Variants in HINT3 observed in about 807,000 individuals in gnomAD.
The protein encoded by HINT3 is adenosine 5'-monophosphoramidase HINT3.
HINT3 carries 16 observed loss-of-function variants against 19.1 expected under a neutral mutation model. The observed-to-expected ratio is 0.84, with a 90% CI of 0.57 to 1.27. HINT3 has a LOEUF of 1.27. Ranked by LOEUF, HINT3 falls within the 50% of genes most tolerant of loss-of-function variation. The pLI, the probability that HINT3 is intolerant of heterozygous loss-of-function variation, is 0.00. For synonymous variants in HINT3, 75 were observed against 84.8 expected, an observed-to-expected ratio of 0.88 and a Z score of 0.63; for missense variants, 197 against 225.8, an observed-to-expected ratio of 0.87 and a Z score of 0.82.
At chr6:125,960,044 AAGC>A (rs1788894674) in intron 1 of HINT3, among the ~76,000 whole-genome samples, 1 of 152,262 alleles carries the variant, frequency 6.6e-6, no homozygotes. Flanking sequence ...AATCTGCACT[AAGC>A]AGGTGACATT....
At chr6:125,967,767 C>A (rs915096278) in intron 2 of HINT3, among the ~76,000 whole-genome samples, 4 of 152,084 alleles carry the variant, frequency 2.6e-5, no homozygotes, top group Non-Finnish European at 4.4e-5. Context: ...TGGTACCTGC[C>A]TTATAGTATC....
intron 2 of HINT3, among the ~76,000 whole-genome samples, chr6:125,971,702 CTTTTT>C (rs142105115): frequency 1.3e-4 from 8 of 59,616 alleles, no homozygotes; most frequent in Non-Finnish European, 2.3e-4. Flanking sequence ...GCCTGGCTAC[CTTTTT>C]TTTTTTTTTT....
Position 125,957,031 on chromosome 6 carries a change from C to T in HINT3, c.54C>T (p.Ala18=), listed in dbSNP as rs1379749398. ...CCGGCCTGGCCCCCGACTGTGAGGCCTCGGCGACTGCAGAAACTACGGTTT... is the reference window on the plus strand; with the variant it reads ...CCGGCCTGGCCCCCGACTGTGAGGCTTCGGCGACTGCAGAAACTACGGTTT... ...RSAGLAPDCE[A]SATAETTVSS... Residue 18 remains alanine, a synonymous_variant, in exon 1 of 5, where the codon GCC becomes GCT. Coordinates refer to ENST00000229633, the MANE Select transcript of HINT3 (RefSeq NM_138571.5). The T allele has an allele frequency of 6.4e-7, 1 of 1,550,742 alleles. No homozygotes were observed. The highest frequency in any genetic ancestry group is 2.0e-5 in the Admixed American group (1 of 51,010).
chr6:125,967,326 CTTTT>C (rs537273461), intron 2 of HINT3, among the ~76,000 whole-genome samples: 1,552 of 95,170 alleles, frequency 0.016, 19 homozygotes, highest in African/African-American at 0.062. Flanking sequence ...ATTTTTATGA[CTTTT>C]TTTTTTTTTT....
At chr6:125,964,323 T>C (rs571995210) in intron 1 of HINT3, among the ~76,000 whole-genome samples, 1 of 152,304 alleles carries the variant, frequency 6.6e-6, no homozygotes, top group East Asian at 1.9e-4. Flanking sequence ...TTTACATGTT[T>C]TCAGAGTCAA....
At chr6:125,970,962 A>C (rs1249700778) in intron 2 of HINT3, among the ~76,000 whole-genome samples, 1 of 152,212 alleles carries the variant, frequency 6.6e-6, no homozygotes, top group Non-Finnish European at 1.5e-5. Flanking sequence ...CTCAAACCTG[A>C]CTTAAAGAAG....
rs1562212340 is a variant in HINT3 at position 125,962,285 on chromosome 6, TACACATATATATATATATATATCACAC to T, written c.202-4600_202-4574del. ...ATATATATATACATACATATATATATACACATATATATATATATATATCACACATATATATATATATATATCACACAC... is the reference window on the plus strand; with the variant it reads ...ATATATATATACATACATATATATATATATATATATATATATATCACACAC... On this transcript the variant is annotated intron_variant, in intron 1 of 4. Coordinates refer to ENST00000229633, the MANE Select transcript of HINT3 (RefSeq NM_138571.5). 1.7e-3 allele frequency among the ~76,000 whole-genome samples: 50 copies of T among 28,856 alleles called. 3 individuals carry two copies. Among genetic ancestry groups the T allele is most frequent in the African/African-American group, 9.8e-3 (48 of 4,882 alleles). 18.9% of individuals were successfully genotyped at this position (28,856 alleles called of 152,430 possible). A position where few individuals can be genotyped will look rare whatever the true frequency, so the allele number is the denominator to read the frequency against.
Position 125,980,116 on chromosome 6 carries a change from C to T in HINT3, c.*2440C>T, listed in dbSNP as rs1195125457. On this transcript the variant is annotated 3_prime_UTR_variant, in exon 5 of 5. Transcript: ENST00000229633. The stretch of plus-strand genomic sequence containing the variant: ...AAAACAAGGCTAATTCATAACCTGT[C>T]TTAAAAATGTTTGAAGTGGTATCAA... 6.6e-6 allele frequency: 1 copy of T among 152,108 alleles called. No individual in the cohort carries two copies. The highest frequency in any genetic ancestry group is 1.5e-5 in the Non-Finnish European group (1 of 68,022). The allele number at this position is 152,108 out of a possible 1,614,324, so 9.4% of individuals were successfully genotyped here.
chr6:125,970,187 A>G (rs1236655647), intron 2 of HINT3, among the ~76,000 whole-genome samples: 2 of 152,266 alleles, frequency 1.3e-5, no homozygotes, highest in African/African-American at 4.8e-5. Context: ...CAATTTTTAA[A>G]CTGTCGATTC....
At chr6:125,975,581 G>GTTTTTTT (rs149094456) in intron 4 of HINT3, among the ~76,000 whole-genome samples, 4 of 143,616 alleles carry the variant, frequency 2.8e-5, no homozygotes, top group Admixed American at 7.0e-5. Flanking sequence ...TGGCTGAAGA[G>GTTTTTTT]TTGTTTTTTT....
At chr6:125,976,562 T>G (rs1789181784) in intron 4 of HINT3, among the ~76,000 whole-genome samples, 3 of 151,288 alleles carry the variant, frequency 2.0e-5, no homozygotes, top group Admixed American at 6.6e-5. Flanking sequence ...AAAATGCTTT[T>G]TTTTTATATT....
intron 2 of HINT3, among the ~76,000 whole-genome samples, chr6:125,971,563 C>T (rs1789101176): frequency 6.6e-6 from 1 of 152,072 alleles, no homozygotes; most frequent in Non-Finnish European, 1.5e-5. Context: ...GAGAGAGGGT[C>T]TCACTCTGTT....
rs1789159278 is a variant in HINT3, at chr6:125,974,901, T to C, written c.444T>C (p.Val148=). Residue 148 remains valine (V), a synonymous_variant, in exon 4 of 5, where the codon GTT becomes GTC. Transcript: ENST00000229633. ...CCATTTCCCACTTGCACCTTCATGT[T>C]CTGGCACCAGTGGATCAGCTTGGCT... The part of the protein sequence containing the change: ...FCSISHLHLH[V]LAPVDQLGFL... 6.2e-7 allele frequency: 1 copy of C among 1,613,958 alleles called. No homozygotes were observed. The highest frequency in any genetic ancestry group is 1.3e-5 in the African/African-American group (1 of 74,934).
chr6:125,960,874 A>C (rs2128710513), intron 1 of HINT3, among the ~76,000 whole-genome samples: 1 of 152,316 alleles, frequency 6.6e-6, no homozygotes, highest in East Asian at 1.9e-4. Context: ...ACTAAATATA[A>C]AAGTAGGCTA....
At chr6:125,976,749 T>C (rs1274445101) in intron 4 of HINT3, among the ~76,000 whole-genome samples, 1 of 151,176 alleles carries the variant, frequency 6.6e-6, no homozygotes, top group Non-Finnish European at 1.5e-5. Context: ...AATCTGACTT[T>C]GTTAGCGTAT....
At chr6:125,968,966 T>C (rs1277533256) in intron 2 of HINT3, among the ~76,000 whole-genome samples, 1 of 152,216 alleles carries the variant, frequency 6.6e-6, no homozygotes, top group Non-Finnish European at 1.5e-5. Flanking sequence ...AGGTTATCCA[T>C]TTACTCTGTT....
At position 125,977,883 on chromosome 6, in the gene HINT3, A is replaced by G. The variant is rs1177668534; in HGVS notation, c.*207A>G. ...TTGTTACTGACTTGTTTCAATGGTT[A>G]CTTGTATAAGGATTTTATATATATG... On this transcript the variant is annotated 3_prime_UTR_variant, in exon 5 of 5. Coordinates refer to ENST00000229633, the MANE Select transcript of HINT3 (RefSeq NM_138571.5). 4 of 386,340 alleles carry G rather than the reference A, an allele frequency of 1.0e-5. No homozygotes were observed. The highest frequency in any genetic ancestry group is 1.9e-5 in the Non-Finnish European group (4 of 214,072). 23.9% of individuals were successfully genotyped at this position (386,340 alleles called of 1,614,324 possible). A position where few individuals can be genotyped will look rare whatever the true frequency, so the allele number is the denominator to read the frequency against.
chr6:125,962,213 CATATATATAT>C (rs1215154343), intron 1 of HINT3, among the ~76,000 whole-genome samples: 2 of 36,294 alleles, frequency 5.5e-5, no homozygotes, highest in African/African-American at 5.7e-4. Context: ...TATATATACA[CATATATATAT>C]ATATATATAT....
At chr6:125,972,934 T>C (rs911473884) in intron 3 of HINT3, among the ~76,000 whole-genome samples, 5 of 152,244 alleles carry the variant, frequency 3.3e-5, no homozygotes, top group Middle Eastern at 3.4e-3. Context: ...TATAAAACTG[T>C]ATGCAAGTTG....
Sources: allele counts gnomAD v4.1 joint callset (sites outside exome capture counted in the v4.1 genomes callset), GRCh38; gene constraint gnomAD v4.1.1; transcripts MANE v1.5; gene names NCBI Gene and HGNC (gene_info 2026-07-23, HGNC 2026-07-21).